Variants in FHIT observed in about 807,000 individuals in gnomAD.
The protein encoded by FHIT is fragile histidine triad diadenosine triphosphatase, also known as bis(5'-adenosyl)-triphosphatase.
FHIT carries 19 observed loss-of-function variants against 17.9 expected under a neutral mutation model. The observed-to-expected ratio is 1.06, with a 90% CI of 0.74 to 1.56. FHIT has a LOEUF of 1.56. Among genes scored for constraint, FHIT ranks in the 40% most tolerant of loss-of-function variants. FHIT has a pLI of 0.00. For missense variants in FHIT, 248 were observed against 189.2 expected (o/e 1.31, Z -1.82); for synonymous variants, 81 against 69.7 (o/e 1.16, Z -0.81).
At chr3:60,318,939 G>C (rs10154943) in intron 5 of FHIT, among the ~76,000 whole-genome samples, 6,916 of 152,160 alleles carry the variant, frequency 0.045, 206 homozygotes, top group African/African-American at 0.081. Flanking sequence ...TTGGTTTGTA[G>C]TTCTTTCCCT....
intron 5 of FHIT, among the ~76,000 whole-genome samples, chr3:60,296,282 C>A (rs1369213243): frequency 6.6e-6 from 1 of 152,010 alleles, no homozygotes; most frequent in Non-Finnish European, 1.5e-5. Flanking sequence ...TCACATAAAC[C>A]TCACAACTTG....
chr3:60,294,823 C>A (rs923377626), intron 5 of FHIT, among the ~76,000 whole-genome samples: 1 of 152,130 alleles, frequency 6.6e-6, no homozygotes, highest in Non-Finnish European at 1.5e-5. Context: ...TTTTTACGCT[C>A]AGTGAAGTTC....
chr3:60,541,776 A>G (rs1281088556), intron 4 of FHIT, among the ~76,000 whole-genome samples: 1 of 152,240 alleles, frequency 6.6e-6, no homozygotes, highest in Non-Finnish European at 1.5e-5. Flanking sequence ...ACAGAGACCC[A>G]TACCTGATGA....
intron 4 of FHIT, among the ~76,000 whole-genome samples, chr3:60,683,414 T>A (rs1280834534): frequency 6.6e-6 from 1 of 152,130 alleles, no homozygotes; most frequent in Non-Finnish European, 1.5e-5. Context: ...GTCTGATCAG[T>A]CGGCAGCCAT....
At chr3:60,113,010 T>C (rs904894122) in intron 5 of FHIT, among the ~76,000 whole-genome samples, 5 of 152,130 alleles carry the variant, frequency 3.3e-5, no homozygotes, top group Non-Finnish European at 7.4e-5. Context: ...GTGTAGTCTA[T>C]AGTGTGCCTG....
intron 5 of FHIT, among the ~76,000 whole-genome samples, chr3:60,418,777 T>C (rs1263054775): frequency 2.6e-5 from 4 of 151,758 alleles, no homozygotes; most frequent in African/African-American, 7.3e-5. Flanking sequence ...ATTGAATGTC[T>C]ACATGTACTG....
intron 3 of FHIT, among the ~76,000 whole-genome samples, chr3:60,891,089 T>C (rs1006267692): frequency 6.6e-6 from 1 of 152,178 alleles, no homozygotes; most frequent in Admixed American, 6.5e-5. Flanking sequence ...TGGCAGTCAG[T>C]AGAGAATGTC....
At chr3:60,169,163 C>T (rs989400225) in intron 5 of FHIT, among the ~76,000 whole-genome samples, 4 of 152,174 alleles carry the variant, frequency 2.6e-5, no homozygotes, top group Non-Finnish European at 5.9e-5. Flanking sequence ...AATGAAAGAA[C>T]GTGCCAATAC....
intron 8 of FHIT, among the ~76,000 whole-genome samples, chr3:59,800,156 C>G (rs1699937944): frequency 6.6e-6 from 1 of 152,160 alleles, no homozygotes; most frequent in South Asian, 2.1e-4. Flanking sequence ...ATTAAATTAT[C>G]AAATGCAAAT....
chr3:60,143,636 T>C (rs1001859507), intron 5 of FHIT, among the ~76,000 whole-genome samples: 1 of 152,116 alleles, frequency 6.6e-6, no homozygotes, highest in Admixed American at 6.6e-5. Flanking sequence ...ACAAATTCAG[T>C]AACAAAATGA....
intron 1 of FHIT, among the ~76,000 whole-genome samples, chr3:61,240,862 TG>T (rs1335624346): frequency 2.0e-5 from 3 of 152,206 alleles, no homozygotes; most frequent in Non-Finnish European, 4.4e-5. Context: ...TGGGAAAGGT[TG>T]GTGGCACAGG....
chr3:61,248,042 T>C (rs1251060261), intron 1 of FHIT, among the ~76,000 whole-genome samples: 1 of 152,228 alleles, frequency 6.6e-6, no homozygotes, highest in Non-Finnish European at 1.5e-5. Flanking sequence ...GTCACAGATA[T>C]GGACATTCCC....
At chr3:60,731,915 C>T (rs903375187) in intron 4 of FHIT, among the ~76,000 whole-genome samples, 7 of 152,196 alleles carry the variant, frequency 4.6e-5, no homozygotes, top group African/African-American at 1.7e-4. Flanking sequence ...TAGCTACCTA[C>T]TGTAACAATT....
intron 8 of FHIT, among the ~76,000 whole-genome samples, chr3:59,818,854 T>A (rs891511599): frequency 6.6e-6 from 1 of 152,188 alleles, no homozygotes; most frequent in African/African-American, 2.4e-5. Flanking sequence ...ACAGAAATGC[T>A]TTCCTTCCCA....
Position 60,268,681 on chromosome 3 carries a change from T to C in FHIT, c.104-254529A>G, listed in dbSNP as rs17062653. Among the ~76,000 whole-genome samples, 846 of 152,346 alleles carry C rather than the reference T, an allele frequency of 5.6e-3. 6 individuals are homozygous for C. The highest frequency in any genetic ancestry group is 0.019 in the African/African-American group (778 of 41,582). ...TTTATATCCTCCATAGTATCTGTGT[T>C]CACAGTAGGTGTAGGTGTGGTCGAC... On this transcript the variant is annotated intron_variant, in intron 5 of 9. Transcript: ENST00000492590.
chr3:60,030,690 T>C (rs1045236404), intron 5 of FHIT, among the ~76,000 whole-genome samples: 1 of 152,128 alleles, frequency 6.6e-6, no homozygotes, highest in Non-Finnish European at 1.5e-5. Flanking sequence ...CATAGAGCAC[T>C]TGCTAAACAC....
intron 5 of FHIT, among the ~76,000 whole-genome samples, chr3:60,024,153 T>C (rs1463821950): frequency 6.6e-6 from 1 of 152,186 alleles, no homozygotes; most frequent in Non-Finnish European, 1.5e-5. Flanking sequence ...CTTGGAAAAG[T>C]TCAAAGATAA....
At chr3:60,265,917 A>T (rs991693295) in intron 5 of FHIT, among the ~76,000 whole-genome samples, 4 of 151,970 alleles carry the variant, frequency 2.6e-5, no homozygotes, top group African/African-American at 9.7e-5. Flanking sequence ...CTAAAAAAAA[A>T]TTAATAATGA....
intron 5 of FHIT, among the ~76,000 whole-genome samples, chr3:60,102,109 C>A (rs1259032452): frequency 6.6e-6 from 1 of 152,160 alleles, no homozygotes; most frequent in Admixed American, 6.5e-5. Context: ...ATGGCTAAAT[C>A]GTACCTTTAT....
Sources: allele counts gnomAD v4.1 joint callset (sites outside exome capture counted in the v4.1 genomes callset), GRCh38; gene constraint gnomAD v4.1.1; transcripts MANE v1.5; gene names NCBI Gene and HGNC (gene_info 2026-07-23, HGNC 2026-07-21).